KDM4E: variants seen among roughly 807,000 people sequenced by gnomAD.
KDM4E encodes the protein lysine demethylase 4E.
For missense variants in KDM4E, 576 were observed against 642.6 expected, an observed-to-expected ratio of 0.90 and a Z score of 1.12; for synonymous variants, 229 against 232.9, an observed-to-expected ratio of 0.98 and a Z score of 0.15.
In KDM4E at chr11:95,025,695, C is replaced by T. The variant is rs782559033; in HGVS notation, c.138C>T (p.Ala46=). The T allele has an allele frequency of 1.3e-5, 20 of 1,558,444 alleles. No individual in the cohort carries two copies. The South Asian group carries it at 2.2e-4, about 17-fold the overall frequency. ...AAGGCGCACATCAAGCTGGCCTTGC[C>T]AAGGTAATTCCACCCAAGGAATGGA... The part of the protein sequence containing the change: ...ESQGAHQAGL[A]KVIPPKEWKA... The change falls in exon 1 of 1, where the codon GCC becomes GCT. Residue 46 remains alanine (A), a synonymous_variant. Coordinates refer to ENST00000450979, the MANE Select transcript of KDM4E (RefSeq NM_001161630.1).
chr11:95,027,192 C>G lies in KDM4E; in HGVS notation c.*114C>G. The G allele has an allele frequency of 2.9e-6, 4 of 1,361,970 alleles. No homozygotes were observed. Among genetic ancestry groups the G allele is most frequent in the Non-Finnish European group, 3.9e-6 (4 of 1,027,356 alleles). 84.4% of individuals were successfully genotyped at this position (1,361,970 alleles called of 1,614,324 possible). A position where few individuals can be genotyped will look rare whatever the true frequency, so the allele number is the denominator to read the frequency against. The stretch of plus-strand genomic sequence containing the variant: ...AACCATGCACCCTGGCCTGTGCCTG[C>G]TATCCCTCAACAGCACTACTAGTAA... On this transcript the variant is annotated 3_prime_UTR_variant, in exon 1 of 1. Transcript: ENST00000450979.
Position 95,026,358 on chromosome 11 carries a change from G to T in KDM4E, c.801G>T (p.Glu267Asp). 1.2e-6 allele frequency: 2 copies of T among 1,614,118 alleles called. No individual in the cohort carries two copies. Among genetic ancestry groups the T allele is most frequent in the Non-Finnish European group, 1.7e-6 (2 of 1,180,040 alleles). Residue 267 changes from glutamate (E) to aspartate (D), a missense_variant, in exon 1 of 1, where the codon GAG (glutamate) becomes GAT (aspartate). Glu to Asp is a conservative substitution (Grantham distance 45, BLOSUM62 2). Transcript: ENST00000450979. The stretch of plus-strand genomic sequence containing the variant: ...ATTGCATGACTCAGGAGGCTGGGGA[G>T]TTCATGGTGACCTTTCCCTATGGCT... ...PFNCMTQEAG[E>D]FMVTFPYGYH...
chr11:95,025,402 C>A lies in KDM4E; in HGVS notation c.-156C>A. 1 of 1,111,112 alleles carries A rather than the reference C, an allele frequency of 9.0e-7. No homozygotes were observed. The highest frequency in any genetic ancestry group is 1.2e-6 in the Non-Finnish European group (1 of 811,198). The allele number at this position is 1,111,112 out of a possible 1,614,324, so 68.8% of individuals were successfully genotyped here. On this transcript the variant is annotated 5_prime_UTR_variant, in exon 1 of 1. Transcript: ENST00000450979. ...GGGAGTCAGAAAGCCTGTGAAAGAT[C>A]TCACTTGTTCAAAAGTCCAAGTGTG...
chr11:95,026,436 C>G lies in KDM4E; in HGVS notation c.879C>G (p.Ala293=). ...ACTGCGCAGAAGCCATTAATTTTGC[C>G]ACTCCACGATGGATTGATTATGGCA... is the stretch of plus-strand genomic sequence containing the variant. ...GFNCAEAINF[A]TPRWIDYGKM... is the part of the protein sequence containing the mutation. The change falls in exon 1 of 1, where the codon GCC becomes GCG. Residue 293 remains alanine (A), a synonymous_variant. Coordinates refer to ENST00000450979, the MANE Select transcript of KDM4E (RefSeq NM_001161630.1). 6.2e-7 allele frequency: 1 copy of G among 1,612,098 alleles called. No homozygotes were observed. The highest frequency in any genetic ancestry group is 1.3e-5 in the African/African-American group (1 of 75,026).
chr11:95,027,172 T>C lies in KDM4E; in HGVS notation c.*94T>C, dbSNP rs1410633064. 2.3e-5 allele frequency: 34 copies of C among 1,465,180 alleles called. No homozygotes were observed. In the East Asian group the frequency reaches 8.2e-4, roughly 35 times the overall value. 90.8% of individuals were successfully genotyped at this position (1,465,180 alleles called of 1,614,324 possible). A position where few individuals can be genotyped will look rare whatever the true frequency, so the allele number is the denominator to read the frequency against. On this transcript the variant is annotated 3_prime_UTR_variant, in exon 1 of 1. Coordinates refer to ENST00000450979, the MANE Select transcript of KDM4E (RefSeq NM_001161630.1). ...CCCCCACTGGATCGTGATGAAACCA[T>C]GCACCCTGGCCTGTGCCTGCTATCC...
chr11:95,026,031 G>A lies in KDM4E; in HGVS notation c.474G>A (p.Leu158=), dbSNP rs1555102711. ...QWNLGHLGTI[L]DLLEQECGVV... is the part of the protein sequence containing the mutation. ...ACCTAGGACACCTGGGAACAATTCT[G>A]GACCTGTTGGAGCAGGAATGTGGGG... The change falls in exon 1 of 1, where the codon CTG becomes CTA. Residue 158 remains leucine, a synonymous_variant. Coordinates refer to ENST00000450979, the MANE Select transcript of KDM4E (RefSeq NM_001161630.1). 3.7e-6 allele frequency: 6 copies of A among 1,610,636 alleles called. No homozygotes were observed. The East Asian group carries it at 6.7e-5, about 18-fold the overall frequency.
Position 95,026,249 on chromosome 11 carries a change from T to G in KDM4E, c.692T>G (p.Ile231Ser), listed in dbSNP as rs1555102800. 1.9e-6 allele frequency: 3 copies of G among 1,613,966 alleles called. No homozygotes were observed. The highest frequency in any genetic ancestry group is 2.5e-6 in the Non-Finnish European group (3 of 1,180,020). Residue 231 changes from isoleucine (I) to serine (S), a missense_variant, in exon 1 of 1, where the codon ATT (isoleucine) becomes AGT (serine). Coordinates refer to ENST00000450979, the MANE Select transcript of KDM4E (RefSeq NM_001161630.1). ...ERLARELFPDISRGCEAFLRH... is the reference protein window; with the variant it reads ...ERLARELFPDSSRGCEAFLRH... ...CTGGCCAGGGAGCTCTTCCCAGACA[T>G]TTCTCGGGGCTGTGAGGCCTTCCTG... is the stretch of plus-strand genomic sequence containing the variant.
Position 95,027,197 on chromosome 11 carries a change from C to A in KDM4E, c.*119C>A. The A allele has an allele frequency of 7.6e-7, 1 of 1,307,818 alleles. No individual in the cohort carries two copies. Among genetic ancestry groups the A allele is most frequent in the South Asian group, 1.5e-5 (1 of 65,766 alleles). The allele number at this position is 1,307,818 out of a possible 1,614,324, so 81.0% of individuals were successfully genotyped here. On this transcript the variant is annotated 3_prime_UTR_variant, in exon 1 of 1. Coordinates refer to ENST00000450979, the MANE Select transcript of KDM4E (RefSeq NM_001161630.1). ...TGCACCCTGGCCTGTGCCTGCTATC[C>A]CTCAACAGCACTACTAGTAATCTCC... is the stretch of plus-strand genomic sequence containing the variant.
In KDM4E at chr11:95,025,532, G is replaced by A. The variant is rs1156779748; in HGVS notation, c.-26G>A. ...ATCTAGAGGACACCCAAGAACGTGG[G>A]AGTCAGCTGCTTCTTGTGTGCAGCC... On this transcript the variant is annotated 5_prime_UTR_variant, in exon 1 of 1. Coordinates refer to ENST00000450979, the MANE Select transcript of KDM4E (RefSeq NM_001161630.1). The A allele has an allele frequency of 2.1e-5, 32 of 1,509,510 alleles. No homozygotes were observed. Among genetic ancestry groups the A allele is most frequent in the Non-Finnish European group, 2.7e-5 (31 of 1,128,872 alleles). 93.5% of individuals were successfully genotyped at this position (1,509,510 alleles called of 1,614,324 possible). A position where few individuals can be genotyped will look rare whatever the true frequency, so the allele number is the denominator to read the frequency against.
At position 95,025,370 on chromosome 11, in the gene KDM4E, C is replaced by T. The variant is rs1271569792; in HGVS notation, c.-188C>T. ...AAAAGTATACTGACTAGAGTGGAGT[C>T]CCCCTGGGGAGTCAGAAAGCCTGTG... On this transcript the variant is annotated 5_prime_UTR_variant, in exon 1 of 1. Transcript: ENST00000450979. 14 of 724,268 alleles carry T rather than the reference C, an allele frequency of 1.9e-5. No individual in the cohort carries two copies. The highest frequency in any genetic ancestry group is 2.8e-5 in the Non-Finnish European group (13 of 466,006). 44.9% of individuals were successfully genotyped at this position (724,268 alleles called of 1,614,324 possible).
At position 95,026,038 on chromosome 11, in the gene KDM4E, T is replaced by C. The variant is rs782099143; in HGVS notation, c.481T>C (p.Leu161=). The C allele has an allele frequency of 5.6e-6, 9 of 1,611,856 alleles. No individual in the cohort carries two copies. Among genetic ancestry groups the C allele is most frequent in the African/African-American group, 1.3e-5 (1 of 74,824 alleles). ...ACACCTGGGAACAATTCTGGACCTG[T>C]TGGAGCAGGAATGTGGGGTTGTCAT... ...LGHLGTILDL[L]EQECGVVIEG... is the part of the protein sequence containing the mutation. Residue 161 remains leucine, a synonymous_variant, in exon 1 of 1, where the codon TTG becomes CTG. Transcript: ENST00000450979.
In KDM4E at chr11:95,025,740, T is replaced by G; in HGVS notation, c.183T>G (p.Asp61Glu). 6.3e-7 allele frequency: 1 copy of G among 1,583,340 alleles called. No individual in the cohort carries two copies. Among genetic ancestry groups the G allele is most frequent in the Non-Finnish European group, 8.5e-7 (1 of 1,170,202 alleles). The change falls in exon 1 of 1, where the codon GAT (aspartate) becomes GAG (glutamate). Residue 61 changes from aspartate (D) to glutamate (E), a missense_variant. Coordinates refer to ENST00000450979, the MANE Select transcript of KDM4E (RefSeq NM_001161630.1). ...PKEWKARQMY[D>E]DIEDILIATP... ...AATGGAAAGCCAGACAGATGTATGA[T>G]GATATCGAAGACATCTTAATAGCCA...
At position 95,026,160 on chromosome 11, in the gene KDM4E, G is replaced by A. The variant is rs1858261997; in HGVS notation, c.603G>A (p.Leu201=). The A allele has an allele frequency of 6.2e-7, 1 of 1,614,052 alleles. No individual in the cohort carries two copies. Among genetic ancestry groups the A allele is most frequent in the African/African-American group, 1.3e-5 (1 of 74,910 alleles). Residue 201 remains leucine, a synonymous_variant, in exon 1 of 1, where the codon CTG becomes CTA. Coordinates refer to ENST00000450979, the MANE Select transcript of KDM4E (RefSeq NM_001161630.1). ...TGGACCTTTACAGCATCAACTACCT[G>A]CACTTTGGGGAGCCCAAAACTTGGT... ...EDMDLYSINY[L]HFGEPKTWYV... is the part of the protein sequence containing the mutation.
In KDM4E at chr11:95,027,452, T is replaced by G. The variant is rs12292301; in HGVS notation, c.*374T>G. 4,409 of 220,156 alleles carry G rather than the reference T, an allele frequency of 0.02. 194 individuals carry two copies. Among genetic ancestry groups the G allele is most frequent in the African/African-American group, 0.092 (4,047 of 44,124 alleles). The allele number at this position is 220,156 out of a possible 1,614,324, so 13.6% of individuals were successfully genotyped here. A position where few individuals can be genotyped will look rare whatever the true frequency, so the allele number is the denominator to read the frequency against. On this transcript the variant is annotated 3_prime_UTR_variant, in exon 1 of 1. Coordinates refer to ENST00000450979, the MANE Select transcript of KDM4E (RefSeq NM_001161630.1). ...ATCTGCTGGGTCTAAAGACACTGAGTTTAGGGATATTTTCCTCCAATACAT... is the reference window on the plus strand; with the variant it reads ...ATCTGCTGGGTCTAAAGACACTGAGGTTAGGGATATTTTCCTCCAATACAT...
chr11:95,026,556 G>A lies in KDM4E; in HGVS notation c.999G>A (p.Trp333Ter), dbSNP rs561093611. The A allele has an allele frequency of 6.5e-7, 1 of 1,542,616 alleles. No homozygotes were observed. The highest frequency in any genetic ancestry group is 2.0e-5 in the Admixed American group (1 of 51,278). Residue 333 changes from tryptophan to a stop codon, truncating the protein, a stop_gained, in exon 1 of 1, where the codon TGG (tryptophan) becomes TGA (stop). Coordinates refer to ENST00000450979, the MANE Select transcript of KDM4E (RefSeq NM_001161630.1). LOFTEE classifies it low-confidence loss of function (END_TRUNC). Reference sequence around the variant, plus strand: ...TGCAACCCGAGAGTTATGAGCTCTGGAAACACAGGCAAGACTTGGCCATTG... The same window carrying A: ...TGCAACCCGAGAGTTATGAGCTCTGAAAACACAGGCAAGACTTGGCCATTG... ...RIVQPESYEL[W>*]KHRQDLAIVE...
Position 95,025,732 on chromosome 11 carries a change from A to C in KDM4E, c.175A>C (p.Met59Leu), listed in dbSNP as rs183905671. Reference sequence around the variant, plus strand: ...ACCCAAGGAATGGAAAGCCAGACAGATGTATGATGATATCGAAGACATCTT... The same window carrying C: ...ACCCAAGGAATGGAAAGCCAGACAGCTGTATGATGATATCGAAGACATCTT... ...IPPKEWKARQMYDDIEDILIA... is the reference protein window; with the variant it reads ...IPPKEWKARQLYDDIEDILIA... Residue 59 changes from methionine (M) to leucine (L), a missense_variant, in exon 1 of 1, where the codon ATG (methionine) becomes CTG (leucine). Coordinates refer to ENST00000450979, the MANE Select transcript of KDM4E (RefSeq NM_001161630.1). 1.3e-6 allele frequency: 2 copies of C among 1,579,478 alleles called. No homozygotes were observed. Among genetic ancestry groups the C allele is most frequent in the East Asian group, 2.3e-5 (1 of 43,578 alleles).
At position 95,026,990 on chromosome 11, in the gene KDM4E, G is replaced by A. The variant is rs183915996; in HGVS notation, c.1433G>A (p.Arg478His). 2.1e-5 allele frequency: 33 copies of A among 1,537,102 alleles called. No homozygotes were observed. Among genetic ancestry groups the A allele is most frequent in the Admixed American group, 3.9e-5 (2 of 50,970 alleles). The change falls in exon 1 of 1, where the codon CGC (arginine) becomes CAC (histidine). Residue 478 changes from arginine to histidine, a missense_variant. Transcript: ENST00000450979. ...EPTVQPASKR[R>H]LLMGTRSRAQ... The stretch of plus-strand genomic sequence containing the variant: ...ACTGTTCAGCCTGCATCCAAGAGGC[G>A]CCTTTTAATGGGTACAAGGAGTAGA...
Position 95,026,524 on chromosome 11 carries a change from C to A in KDM4E, c.967C>A (p.Arg323Ser). The A allele has an allele frequency of 6.4e-7, 1 of 1,568,796 alleles. No individual in the cohort carries two copies. Among genetic ancestry groups the A allele is most frequent in the South Asian group, 1.1e-5 (1 of 87,088 alleles). The change falls in exon 1 of 1, where the codon CGC becomes AGC. Residue 323 changes from arginine (R) to serine (S), a missense_variant. Coordinates refer to ENST00000450979, the MANE Select transcript of KDM4E (RefSeq NM_001161630.1). The part of the protein sequence containing the change: ...TVTFSMDPFV[R>S]IVQPESYELW... ...GACCTTTTCCATGGACCCCTTTGTG[C>A]GCATTGTGCAACCCGAGAGTTATGA...
rs1555103032 is a variant in KDM4E at position 95,026,850 on chromosome 11, C to A, written c.1293C>A (p.Ser431=). 1 of 1,537,202 alleles carries A rather than the reference C, an allele frequency of 6.5e-7. No homozygotes were observed. The highest frequency in any genetic ancestry group is 1.2e-5 in the South Asian group (1 of 84,064). Residue 431 remains serine (S), a synonymous_variant, in exon 1 of 1, where the codon TCC becomes TCA. Coordinates refer to ENST00000450979, the MANE Select transcript of KDM4E (RefSeq NM_001161630.1). ...TGTCAGCCAGGGTTCTTCTCCCTTC[C>A]ACTGGAAGCTGGGGTTCTGGTCGTG... ...LGMSARVLLP[S]TGSWGSGRGR...
Sources: allele counts gnomAD v4.1 joint callset, GRCh38; gene constraint gnomAD v4.1.1; transcripts MANE v1.5; gene names NCBI Gene and HGNC (gene_info 2026-07-23, HGNC 2026-07-21).